The following UNC5D variants were observed in gnomAD, a reference collection of about 807,000 sequenced individuals.
UNC5D encodes netrin receptor UNC5D.
Under a neutral mutation model 105.4 loss-of-function variants are expected in UNC5D, and 39 were observed. The observed-to-expected ratio is 0.37, with a 90% CI of 0.29 to 0.48. UNC5D has a LOEUF of 0.48. Ranked by LOEUF, UNC5D falls within the 20% of genes least tolerant of loss-of-function variation. UNC5D has a pLI of 0.98. For synonymous variants in UNC5D, 452 were observed against 450.4 expected, an observed-to-expected ratio of 1.00 and a Z score of -0.04; for missense variants, 991 against 1,202.4, an observed-to-expected ratio of 0.82 and a Z score of 2.60.
intron 10 of UNC5D, chr8:35,727,581 G>T (rs939009711): frequency 1.3e-5 from 2 of 152,112 alleles, no homozygotes; most frequent in African/African-American, 4.8e-5. Context: ...ATGTTGTCTT[G>T]TTCTCCCCTA....
intron 1 of UNC5D, among the ~76,000 whole-genome samples, chr8:35,249,195 G>A (rs999024337): frequency 1.4e-5 from 2 of 143,898 alleles, no homozygotes; most frequent in African/African-American, 5.2e-5. Flanking sequence ...CATGTTGGCA[G>A]TAATATGTCC....
chr8:35,733,467 C>T (rs1322172401), intron 11 of UNC5D, among the ~76,000 whole-genome samples: 1 of 152,080 alleles, frequency 6.6e-6, no homozygotes, highest in African/African-American at 2.4e-5. Context: ...GAAGAAGGCC[C>T]GTTTTCCTCG....
Position 35,311,290 on chromosome 8 carries a change from C to T in UNC5D, c.103+75403C>T, listed in dbSNP as rs928296086. ...AGAATATTTAGAAAGGCCTTGGACA[C>T]TGTGCCAAAAAGTCTGGACCATGGA... On this transcript the variant is annotated intron_variant, in intron 1 of 16. Transcript: ENST00000404895. 3.3e-5 allele frequency among the ~76,000 whole-genome samples: 5 copies of T among 152,110 alleles called. No individual in the cohort carries two copies. In the South Asian group the frequency reaches 8.3e-4, roughly 25 times the overall value.
intron 11 of UNC5D, among the ~76,000 whole-genome samples, chr8:35,740,156 G>T (rs1247912694): frequency 6.6e-6 from 1 of 152,194 alleles, no homozygotes; most frequent in Non-Finnish European, 1.5e-5. Flanking sequence ...ACTGGCAGAA[G>T]GCAGAAAGCT....
intron 1 of UNC5D, chr8:35,544,443 G>T (rs1277001293): frequency 1.2e-6 from 2 of 1,613,844 alleles, no homozygotes; most frequent in South Asian, 1.1e-5. Context: ...GTTATCTGGG[G>T]GTGGATGATC....
chr8:35,607,617 C>G (rs1489297943), intron 4 of UNC5D, among the ~76,000 whole-genome samples: 1 of 152,054 alleles, frequency 6.6e-6, no homozygotes, highest in Non-Finnish European at 1.5e-5. Context: ...GACAGTTTCC[C>G]CCATGCTGGT....
intron 3 of UNC5D, among the ~76,000 whole-genome samples, chr8:35,593,013 C>A (rs908118055): frequency 6.6e-6 from 1 of 150,748 alleles, no homozygotes; most frequent in African/African-American, 2.4e-5. Context: ...ATGAGTAATA[C>A]CGTTTCCTAG....
chr8:35,535,945 G>C (rs1348766128), intron 1 of UNC5D, among the ~76,000 whole-genome samples: 1 of 152,152 alleles, frequency 6.6e-6, no homozygotes, highest in Non-Finnish European at 1.5e-5. Context: ...GAAGAATATA[G>C]AAGCTAAGGT....
At chr8:35,291,558 T>C (rs1010052546) in intron 1 of UNC5D, among the ~76,000 whole-genome samples, 1 of 152,172 alleles carries the variant, frequency 6.6e-6, no homozygotes, top group Non-Finnish European at 1.5e-5. Context: ...GCTGGAAAAC[T>C]GAAGATTTCA....
chr8:35,708,613 C>T lies in UNC5D; in HGVS notation c.1117+2652C>T, dbSNP rs546581995. ...TTGAGACAATAAGACTCCTTGGAGG[C>T]TTGGAGAATACCTTTTTCTGAAAGG... is the stretch of plus-strand genomic sequence containing the variant. On this transcript the variant is annotated intron_variant, in intron 8 of 16. Transcript: ENST00000404895. Among the ~76,000 whole-genome samples, 47 of 152,248 alleles carry T rather than the reference C, an allele frequency of 3.1e-4. No homozygotes were observed. In the South Asian group the frequency reaches 8.1e-3, roughly 26 times the overall value.
intron 1 of UNC5D, among the ~76,000 whole-genome samples, chr8:35,315,072 C>T (rs1809188125): frequency 1.3e-5 from 2 of 152,116 alleles, no homozygotes; most frequent in South Asian, 4.1e-4. Context: ...ATTATAAGTA[C>T]CAGTGGTCTC....
At chr8:35,351,053 AGT>A (rs776204761) in intron 1 of UNC5D, among the ~76,000 whole-genome samples, 2 of 151,884 alleles carry the variant, frequency 1.3e-5, no homozygotes, top group Non-Finnish European at 2.9e-5. Context: ...CAAACAGTTG[AGT>A]GTGTGTGTGT....
intron 8 of UNC5D, among the ~76,000 whole-genome samples, chr8:35,716,199 C>G (rs1382020720): frequency 6.6e-6 from 1 of 152,102 alleles, no homozygotes; most frequent in African/African-American, 2.4e-5. Context: ...CCTGACTTTG[C>G]CATTTTCCAA....
chr8:35,672,268 T>TAAAG (rs1296997162), intron 4 of UNC5D, among the ~76,000 whole-genome samples: 1 of 152,202 alleles, frequency 6.6e-6, no homozygotes, highest in Non-Finnish European at 1.5e-5. Context: ...ACATAATTAA[T>TAAAG]ATTCTCACAT....
chr8:35,685,807 T>TG (rs1563667906), intron 6 of UNC5D, among the ~76,000 whole-genome samples: 6 of 152,128 alleles, frequency 3.9e-5, no homozygotes, highest in Non-Finnish European at 8.8e-5. Context: ...TCAAGTTCAG[T>TG]ATTTTTTTTA....
At chr8:35,602,169 G>C (rs1349500116) in intron 4 of UNC5D, among the ~76,000 whole-genome samples, 1 of 152,172 alleles carries the variant, frequency 6.6e-6, no homozygotes. Flanking sequence ...TGGTGGATGA[G>C]CTTTTTGATG....
Position 35,336,646 on chromosome 8 carries a change from A to G in UNC5D, c.103+100759A>G, listed in dbSNP as rs536702655. ...CAGAGCTGAGCTGCTCCCTCCCTCC[A>G]AGTCTGCTTGAAAGTAGCCTGCCTA... On this transcript the variant is annotated intron_variant, in intron 1 of 16. Transcript: ENST00000404895. Among the ~76,000 whole-genome samples the G allele has an allele frequency of 3.3e-5, 5 of 152,096 alleles. No homozygotes were observed. The South Asian group carries it at 8.3e-4, about 25-fold the overall frequency.
chr8:35,540,444 GGTGTGT>G lies in UNC5D; in HGVS notation c.104-8815_104-8810del, dbSNP rs11467586. 8.3e-3 allele frequency among the ~76,000 whole-genome samples: 1,180 copies of G among 142,780 alleles called. 10 individuals are homozygous for G. The highest frequency in any genetic ancestry group is 0.027 in the African/African-American group (1,067 of 39,396). 93.7% of individuals were successfully genotyped at this position (142,780 alleles called of 152,430 possible). On this transcript the variant is annotated intron_variant, in intron 1 of 16. Transcript: ENST00000404895. ...TTTATATTCTTTCACAAAGCAGAGG[GGTGTGT>G]GTGTGTGTGTGTGTGTGTGTGTGTG... is the stretch of plus-strand genomic sequence containing the variant.
chr8:35,438,814 T>C (rs1807202197), intron 1 of UNC5D, among the ~76,000 whole-genome samples: 1 of 152,018 alleles, frequency 6.6e-6, no homozygotes. Context: ...GATATCAACT[T>C]ATCCAAGAAC....
Sources: allele counts gnomAD v4.1 joint callset (sites outside exome capture counted in the v4.1 genomes callset), GRCh38; gene constraint gnomAD v4.1.1; transcripts MANE v1.5; gene names NCBI Gene and HGNC (gene_info 2026-07-23, HGNC 2026-07-21).